LAMA2: variants seen among roughly 807,000 people sequenced by gnomAD.
LAMA2 encodes laminin subunit alpha 2.
In LAMA2, 269 loss-of-function variants were observed where a neutral mutation model predicts 364.8. That is an observed-to-expected ratio of 0.74 (90% CI 0.67 to 0.82). LAMA2 has a LOEUF of 0.82. Among genes scored for constraint, LAMA2 ranks in the 40% least tolerant of loss-of-function variants. The pLI is 0.00. For missense variants in LAMA2, 3,807 were observed against 3,873.2 expected (o/e 0.98, Z 0.45); for synonymous variants, 1,379 against 1,370.6 (o/e 1.01, Z -0.14).
chr6:129,512,514 C>G (rs374936943), intron 63 of LAMA2, 21 bp downstream of exon 63: 1 of 1,612,522 alleles, frequency 6.2e-7, no homozygotes, highest in African/African-American at 1.3e-5. Context: ...GCAATGCAAA[C>G]ATTTCTGATT....
intron 1 of LAMA2, among the ~76,000 whole-genome samples, chr6:128,941,989 A>T (rs1325893089): frequency 6.6e-6 from 1 of 152,200 alleles, no homozygotes; most frequent in East Asian, 1.9e-4. Context: ...AGCTGTGTTC[A>T]AAATGCTCCA....
intron 55 of LAMA2, among the ~76,000 whole-genome samples, chr6:129,482,403 A>G (rs1263319232): frequency 6.6e-6 from 1 of 152,180 alleles, no homozygotes; most frequent in Non-Finnish European, 1.5e-5. Flanking sequence ...TTGCCTTGGT[A>G]TTCTTTAATA....
chr6:128,905,938 T>C (rs917062400), intron 1 of LAMA2, among the ~76,000 whole-genome samples: 11 of 152,020 alleles, frequency 7.2e-5, no homozygotes, highest in Non-Finnish European at 1.6e-4. Context: ...TCCAATTTCA[T>C]CCATGTCCCT....
At chr6:129,041,071 C>G (rs1787055164) in intron 1 of LAMA2, among the ~76,000 whole-genome samples, 1 of 152,134 alleles carries the variant, frequency 6.6e-6, no homozygotes, top group South Asian at 2.1e-4. Context: ...CATTTAAATT[C>G]TGGGTATATG....
intron 4 of LAMA2, among the ~76,000 whole-genome samples, chr6:129,128,764 G>T (rs1474517227): frequency 1.3e-5 from 2 of 152,166 alleles, no homozygotes; most frequent in East Asian, 1.9e-4. Context: ...TATAGCTATT[G>T]TAAATGGGAT....
intron 30 of LAMA2, among the ~76,000 whole-genome samples, chr6:129,343,615 G>C (rs1776387415): frequency 6.6e-6 from 1 of 152,088 alleles, no homozygotes; most frequent in Admixed American, 6.6e-5. Context: ...GTTTTAAAAA[G>C]TAAGCCATTT....
chr6:129,136,047 G>A (rs1230431620), intron 4 of LAMA2, among the ~76,000 whole-genome samples: 1 of 151,946 alleles, frequency 6.6e-6, no homozygotes, highest in African/African-American at 2.4e-5. Flanking sequence ...AAAAGTGAGA[G>A]GGAAGGGGGA....
At chr6:129,418,585 G>A (rs1023243150) in intron 40 of LAMA2, among the ~76,000 whole-genome samples, 3 of 152,080 alleles carry the variant, frequency 2.0e-5, no homozygotes, top group Admixed American at 6.5e-5. Context: ...CAGTGAACGT[G>A]ATGTCATATA....
At chr6:129,397,424 A>T (rs1779714765) in intron 37 of LAMA2, among the ~76,000 whole-genome samples, 1 of 152,128 alleles carries the variant, frequency 6.6e-6, no homozygotes, top group African/African-American at 2.4e-5. Flanking sequence ...TCTCTCCTCC[A>T]CACAAGCCAT....
chr6:129,016,555 C>G (rs1399887466), intron 1 of LAMA2, among the ~76,000 whole-genome samples: 10 of 151,830 alleles, frequency 6.6e-5, no homozygotes, highest in Admixed American at 6.6e-4. Context: ...TAAACATAAT[C>G]TTAAGGAAAA....
At chr6:129,230,986 A>G (rs1784639087) in intron 12 of LAMA2, among the ~76,000 whole-genome samples, 1 of 152,126 alleles carries the variant, frequency 6.6e-6, no homozygotes, top group African/African-American at 2.4e-5. Flanking sequence ...CCTAAAGGAT[A>G]AAGGTAAAGT....
At chr6:129,251,074 CTCTA>C (rs1273472959) in intron 13 of LAMA2, among the ~76,000 whole-genome samples, 787 of 60,310 alleles carry the variant, frequency 0.013, 2 homozygotes, top group African/African-American at 0.017. Context: ...CTCTCTCTCT[CTCTA>C]TATATATATA....
chr6:128,883,426 T>G (rs1775931818), intron 1 of LAMA2, 69 bp downstream of exon 1: 1 of 1,543,020 alleles, frequency 6.5e-7, no homozygotes, highest in Non-Finnish European at 8.7e-7. Context: ...CTTCCACTCT[T>G]CCGAGAGTTG....
intron 15 of LAMA2, among the ~76,000 whole-genome samples, chr6:129,264,543 A>C (rs990108255): frequency 6.6e-6 from 1 of 152,124 alleles, no homozygotes; most frequent in African/African-American, 2.4e-5. Flanking sequence ...GTCATAAACT[A>C]TGGAACTGAA....
At position 129,453,076 on chromosome 6, in the gene LAMA2, A is replaced by C; in HGVS notation, c.6518A>C (p.Asn2173Thr). The C allele has an allele frequency of 6.2e-7, 1 of 1,613,188 alleles. No individual in the cohort carries two copies. The highest frequency in any genetic ancestry group is 8.5e-7 in the Non-Finnish European group (1 of 1,179,444). ...KKGSYNNIVV[N>T]VKTAVADNLL... ...GGAAGTTACAATAATATTGTTGTCA[A>C]CGTAAAGACAGCTGTTGCTGATAAC... The change falls in exon 46 of 65, where the codon AAC becomes ACC. Residue 2173 changes from asparagine (N) to threonine (T), a missense_variant. Asn to Thr is a moderately conservative substitution (Grantham distance 65). Transcript: ENST00000421865.
chr6:128,907,898 G>T (rs1449603931), intron 1 of LAMA2, among the ~76,000 whole-genome samples: 2 of 152,098 alleles, frequency 1.3e-5, no homozygotes, highest in Non-Finnish European at 2.9e-5. Flanking sequence ...ATAATCATGT[G>T]GTTTTTGTCT....
chr6:128,966,736 T>A (rs1226314139), intron 1 of LAMA2, among the ~76,000 whole-genome samples: 2 of 152,164 alleles, frequency 1.3e-5, no homozygotes, highest in Non-Finnish European at 2.9e-5. Flanking sequence ...AAAAAGCAGG[T>A]CAATGTGCAA....
chr6:129,034,821 T>C (rs980124551), intron 1 of LAMA2, among the ~76,000 whole-genome samples: 29 of 152,212 alleles, frequency 1.9e-4, no homozygotes, highest in African/African-American at 6.0e-4. Flanking sequence ...TTTTTATGGC[T>C]GCACAGTATT....
chr6:128,941,032 G>A (rs1359793401), intron 1 of LAMA2, among the ~76,000 whole-genome samples: 1 of 152,214 alleles, frequency 6.6e-6, no homozygotes, highest in African/African-American at 2.4e-5. Flanking sequence ...TATAGCATTT[G>A]TAGGGGTACA....
Sources: gnomAD v4.1 joint callset for allele counts (sites outside exome capture counted in the v4.1 genomes callset) on GRCh38, gnomAD v4.1.1 for gene constraint, MANE v1.5 for transcripts, NCBI Gene and HGNC (gene_info 2026-07-23, HGNC 2026-07-21) for gene names.